The following GABBR2 variants were observed in gnomAD, a reference collection of about 807,000 sequenced individuals.
GABBR2 encodes the protein G-protein coupled receptor 51.
GABBR2 carries 23 observed loss-of-function variants against 105.6 expected under a neutral mutation model. The observed-to-expected ratio is 0.22, with a 90% CI of 0.16 to 0.31. The LOEUF (loss-of-function observed/expected upper bound fraction) is 0.31, where lower values mean the gene tolerates loss of function less well. GABBR2 is among the 10% of genes least tolerant of loss of function. GABBR2 has a pLI of 1.00. For synonymous variants in GABBR2, 478 were observed against 499.7 expected (o/e 0.96, Z 0.58); for missense variants, 734 against 1,245.5 (o/e 0.59, Z 6.18).
At chr9:98,417,070 T>C (rs190611989) in intron 7 of GABBR2, among the ~76,000 whole-genome samples, 5 of 152,318 alleles carry the variant, frequency 3.3e-5, no homozygotes, top group Admixed American at 3.3e-4. Context: ...GGTAATTGCC[T>C]CCTGCTGGAT....
intron 1 of GABBR2, among the ~76,000 whole-genome samples, chr9:98,604,384 G>C (rs1226430924): frequency 1.3e-5 from 2 of 152,192 alleles, no homozygotes; most frequent in African/African-American, 4.8e-5. Flanking sequence ...GAAGTTCTCA[G>C]TGTCTTGGTC....
chr9:98,589,863 C>CACA (rs920037956), intron 1 of GABBR2, among the ~76,000 whole-genome samples: 2 of 151,948 alleles, frequency 1.3e-5, no homozygotes, highest in African/African-American at 4.8e-5. Context: ...CACAGGTGCA[C>CACA]ACCACCACCA....
intron 13 of GABBR2, among the ~76,000 whole-genome samples, chr9:98,343,782 C>T (rs192897576): frequency 2.3e-4 from 35 of 151,998 alleles, no homozygotes; most frequent in Admixed American, 9.2e-4. Context: ...GTCGTGAACC[C>T]GGGAGGTGGA....
chr9:98,306,178 C>A lies in GABBR2; in HGVS notation c.2172G>T (p.Val724=), dbSNP rs755919209. 1.2e-6 allele frequency: 2 copies of A among 1,614,198 alleles called. No homozygotes were observed. Among genetic ancestry groups the A allele is most frequent in the South Asian group, 2.2e-5 (2 of 91,082 alleles). ...RDQPNVQFCI[V]ALVIIFCSTI... ...TGCTGCAGAAGATGATGACCAGAGC[C>A]ACGATGCAGAACTGCACATTGGGCT... The change falls in exon 15 of 19, where the codon GTG becomes GTT. Residue 724 remains valine, a synonymous_variant. Coordinates refer to ENST00000259455, the MANE Select transcript of GABBR2 (RefSeq NM_005458.8). This position sits in a 1 kb window ranked among gnomAD's most constrained non-coding sequence, Gnocchi z 5.4.
intron 1 of GABBR2, among the ~76,000 whole-genome samples, chr9:98,671,394 G>A (rs928475415): frequency 1.2e-4 from 19 of 152,254 alleles, no homozygotes; most frequent in South Asian, 4.2e-4. Context: ...TTGTCCATTC[G>A]TCAGTTGATG....
At position 98,417,279 on chromosome 9, in the gene GABBR2, C is replaced by T. The variant is rs57662160; in HGVS notation, c.1237-11138G>A. On this transcript the variant is annotated intron_variant, in intron 7 of 18. Coordinates refer to ENST00000259455, the MANE Select transcript of GABBR2 (RefSeq NM_005458.8). Reference sequence around the variant, plus strand: ...TGGACACTGGCCAAGAGCATTTGCTCAGTTAGCTCCCCAGGGTAAGAGGAC... The same window carrying T: ...TGGACACTGGCCAAGAGCATTTGCTTAGTTAGCTCCCCAGGGTAAGAGGAC... Among the ~76,000 whole-genome samples the T allele has an allele frequency of 8.6e-3, 1,308 of 152,274 alleles. 19 individuals are homozygous for T. Among genetic ancestry groups the T allele is most frequent in the African/African-American group, 0.03 (1,241 of 41,532 alleles).
chr9:98,433,281 T>G (rs1825844391), intron 7 of GABBR2, among the ~76,000 whole-genome samples: 1 of 152,252 alleles, frequency 6.6e-6, no homozygotes, highest in African/African-American at 2.4e-5. Flanking sequence ...AGATCCTGCA[T>G]GCTTGAGAGA....
At chr9:98,330,386 T>C (rs1588105976) in intron 13 of GABBR2, among the ~76,000 whole-genome samples, 1 of 152,368 alleles carries the variant, frequency 6.6e-6, no homozygotes, top group Non-Finnish European at 1.5e-5. Context: ...ATTTCATACA[T>C]GGAGGAGAGC....
intron 2 of GABBR2, among the ~76,000 whole-genome samples, chr9:98,548,720 AG>A (rs1405948886): frequency 8.3e-6 from 1 of 120,050 alleles, no homozygotes; most frequent in Non-Finnish European, 1.9e-5. Flanking sequence ...TAGGGGAGAA[AG>A]GAAAAGGTCT....
rs571542589 is a variant in GABBR2 at position 98,490,893 on chromosome 9, TCA to T, written c.732+5518_732+5519del. ...GAGCTTAAAGGGCCTCGCGACTTCA[TCA>T]CACAGAAATGGTATTTCCTGACTTT... On this transcript the variant is annotated intron_variant, in intron 4 of 18. Transcript: ENST00000259455. Among the ~76,000 whole-genome samples the T allele has an allele frequency of 3.5e-4, 53 of 152,260 alleles. 1 individual carries two copies. In the South Asian group the frequency reaches 0.011, roughly 31 times the overall value.
At chr9:98,398,574 T>A (rs749720352) in intron 8 of GABBR2, among the ~76,000 whole-genome samples, 1 of 152,064 alleles carries the variant, frequency 6.6e-6, no homozygotes, top group African/African-American at 2.4e-5. Context: ...CCCTCATGGG[T>A]CCTGGGTCTG....
chr9:98,439,008 T>C (rs1825983049), intron 7 of GABBR2, among the ~76,000 whole-genome samples: 1 of 152,170 alleles, frequency 6.6e-6, no homozygotes, highest in Admixed American at 6.5e-5. Flanking sequence ...AGGAGGTCAC[T>C]GTTTCCCAAA....
rs907052872 is a variant in GABBR2, at chr9:98,290,247, T to C, written c.*337A>G. 1 of 173,836 alleles carries C rather than the reference T, an allele frequency of 5.8e-6. No individual in the cohort carries two copies. Among genetic ancestry groups the C allele is most frequent in the Non-Finnish European group, 1.2e-5 (1 of 84,204 alleles). The allele number at this position is 173,836 out of a possible 1,614,324, so 10.8% of individuals were successfully genotyped here. ...GACTTCCAGCTGGAGTTCTAGTGCCTCTCTCCTTGTCTAGTTTTTTTGTTT... is the reference window on the plus strand; with the variant it reads ...GACTTCCAGCTGGAGTTCTAGTGCCCCTCTCCTTGTCTAGTTTTTTTGTTT... On this transcript the variant is annotated 3_prime_UTR_variant, in exon 19 of 19. Coordinates refer to ENST00000259455, the MANE Select transcript of GABBR2 (RefSeq NM_005458.8).
At chr9:98,702,523 G>T (rs1448443487) in intron 1 of GABBR2, among the ~76,000 whole-genome samples, 3 of 152,134 alleles carry the variant, frequency 2.0e-5, no homozygotes, top group Admixed American at 2.0e-4. Flanking sequence ...ACATCGCACG[G>T]CTCCTTGCAG....
At chr9:98,370,844 G>A (rs997955560) in intron 12 of GABBR2, among the ~76,000 whole-genome samples, 3 of 152,130 alleles carry the variant, frequency 2.0e-5, no homozygotes, top group Admixed American at 1.3e-4. Flanking sequence ...CAAACCGCAC[G>A]GGTGGCGAAT....
chr9:98,485,509 C>A (rs1393507421), intron 4 of GABBR2, among the ~76,000 whole-genome samples: 1 of 90,062 alleles, frequency 1.1e-5, no homozygotes, highest in Non-Finnish European at 2.6e-5. Flanking sequence ...CACGCAGGCA[C>A]ACACACACAC....
chr9:98,417,431 CA>C (rs1259053754), intron 7 of GABBR2, among the ~76,000 whole-genome samples: 1 of 152,130 alleles, frequency 6.6e-6, no homozygotes, highest in Non-Finnish European at 1.5e-5. Flanking sequence ...TCCCATGGGC[CA>C]AATGATGTTG....
intron 1 of GABBR2, among the ~76,000 whole-genome samples, chr9:98,679,994 G>A (rs979504657): frequency 2.6e-5 from 4 of 152,136 alleles, no homozygotes; most frequent in African/African-American, 9.7e-5. Context: ...AGGCTCCTGT[G>A]TCATGTAAAA....
intron 11 of GABBR2, among the ~76,000 whole-genome samples, chr9:98,372,880 G>C (rs980493379): frequency 6.6e-6 from 1 of 152,316 alleles, no homozygotes; most frequent in East Asian, 1.9e-4. Context: ...GTATCACAGC[G>C]CTTGTTCAGA....
Sources: gnomAD v4.1 joint callset for allele counts (sites outside exome capture counted in the v4.1 genomes callset) on GRCh38, gnomAD v4.1.1 for gene constraint, Gnocchi (gnomAD v3.1) non-coding constraint, MANE v1.5 for transcripts, NCBI Gene and HGNC (gene_info 2026-07-23, HGNC 2026-07-21) for gene names.